Variants in MR1 observed in about 807,000 individuals in gnomAD.
The protein encoded by MR1 is major histocompatibility complex, class I-related.
Under a neutral mutation model 37.8 loss-of-function variants are expected in MR1, and 44 were observed. The observed-to-expected ratio is 1.16, with a 90% CI of 0.91 to 1.50. The LOEUF (loss-of-function observed/expected upper bound fraction) is 1.50. Ranked by LOEUF, MR1 falls within the 40% of genes most tolerant of loss-of-function variation. The probability of loss-of-function intolerance (pLI) is 0.00; values close to 1 mark genes in which losing one functional copy is unlikely to be tolerated. For missense variants in MR1, 386 were observed against 419.1 expected, an observed-to-expected ratio of 0.92 and a Z score of 0.69; for synonymous variants, 153 against 155.8, an observed-to-expected ratio of 0.98 and a Z score of 0.13.
rs1009373512 is a variant in MR1 at position 181,050,489 on chromosome 1, G to T, written c.604+203G>T. On this transcript the variant is annotated intron_variant, in intron 3 of 5. Transcript: ENST00000367580. ...TTGACAAGATTTGACAGTTCCCCTTGTCTTGACAGAGTGGAGTACCTCCAA... is the reference window on the plus strand; with the variant it reads ...TTGACAAGATTTGACAGTTCCCCTTTTCTTGACAGAGTGGAGTACCTCCAA... The T allele has an allele frequency of 9.6e-6, 6 of 628,160 alleles. No homozygotes were observed. The African/African-American group carries it at 1.1e-4, about 12-fold the overall frequency. The allele number at this position is 628,160 out of a possible 1,614,324, so 38.9% of individuals were successfully genotyped here.
Position 181,050,018 on chromosome 1 carries a change from C to A in MR1, c.336C>A (p.His112Gln), listed in dbSNP as rs577996797. Residue 112 changes from histidine (H) to glutamine (Q), a missense_variant, in exon 3 of 6, where the codon CAC becomes CAA. By Grantham distance (24) the His-to-Gln change is conservative (BLOSUM62 0). Transcript: ENST00000367580. Reference protein sequence around the residue: ...LQRHYNHSGSHTYQRMIGCEL... With the variant: ...LQRHYNHSGSQTYQRMIGCEL... ...CTTCTGTGTGTGTTCCAGGGTCTCA[C>A]ACTTACCAGAGAATGATTGGCTGTG... 7.1e-4 allele frequency: 1,145 copies of A among 1,612,356 alleles called. 11 individuals carry two copies. In the South Asian group the frequency reaches 0.012, roughly 17 times the overall value.
Position 181,053,730 on chromosome 1 carries a change from C to T in MR1, c.985+53C>T. On this transcript the variant is annotated intron_variant, in intron 5 of 5. Transcript: ENST00000367580. ...GGGCTGCAGACTCTCCTGCATCTCT[C>T]CAGTTTTATTTTCTGCACCTGCTGC... The T allele has an allele frequency of 6.1e-6, 8 of 1,305,346 alleles. No homozygotes were observed. The South Asian group carries it at 9.6e-5, about 16-fold the overall frequency. The allele number at this position is 1,305,346 out of a possible 1,614,324, so 80.9% of individuals were successfully genotyped here.
chr1:181,049,905 CAT>C, intron 2 of MR1, 104 bp from the exon 3 acceptor site: 1 of 1,331,432 alleles, frequency 7.5e-7, no homozygotes, highest in Non-Finnish European at 1.0e-6. Context: ...TGGGGGGTGA[CAT>C]AATGTAGACC....
chr1:181,060,703 A>C lies in MR1; in HGVS notation c.*5438A>C, dbSNP rs1270109048. On this transcript the variant is annotated 3_prime_UTR_variant, in exon 6 of 6. Transcript: ENST00000367580. ...CCAACCCCTGCACCACAGGACAAGG[A>C]AGTGTTCTTGGTCTTCAACTTTCAT... 4 of 152,316 alleles carry C rather than the reference A, an allele frequency of 2.6e-5. No homozygotes were observed. Among genetic ancestry groups the C allele is most frequent in the African/African-American group, 9.6e-5 (4 of 41,560 alleles). 9.4% of individuals were successfully genotyped at this position (152,316 alleles called of 1,614,324 possible). A position where few individuals can be genotyped will look rare whatever the true frequency, so the allele number is the denominator to read the frequency against.
At chr1:181,035,597 C>T (rs1012826483) in intron 1 of MR1, among the ~76,000 whole-genome samples, 2 of 152,084 alleles carry the variant, frequency 1.3e-5, no homozygotes, top group Non-Finnish European at 2.9e-5. Context: ...ATGTGATTCT[C>T]AAAGAACTCT....
chr1:181,047,945 C>T (rs868419552), intron 1 of MR1, among the ~76,000 whole-genome samples: 16 of 150,302 alleles, frequency 1.1e-4, no homozygotes, highest in African/African-American at 2.0e-4. Context: ...AGGCCAGGCG[C>T]GGTGGCTCAC....
Position 181,055,643 on chromosome 1 carries a change from G to C in MR1, c.*378G>C. 4.4e-6 allele frequency: 1 copy of C among 227,434 alleles called. No individual in the cohort carries two copies. Among genetic ancestry groups the C allele is most frequent in the Non-Finnish European group, 8.5e-6 (1 of 117,088 alleles). 14.1% of individuals were successfully genotyped at this position (227,434 alleles called of 1,614,324 possible). On this transcript the variant is annotated 3_prime_UTR_variant, in exon 6 of 6. Transcript: ENST00000367580. ...CTGTCTTCTGCAATGCCTTGGACTT[G>C]AGCCTCCAGCCTCCACTTGAACACC...
Position 181,035,420 on chromosome 1 carries a change from G to A in MR1, c.67+1346G>A, listed in dbSNP as rs760117842. Among the ~76,000 whole-genome samples the A allele has an allele frequency of 7.2e-4, 109 of 152,110 alleles. 1 individual carries two copies. The highest frequency in any genetic ancestry group is 1.2e-3 in the South Asian group (6 of 4,808). On this transcript the variant is annotated intron_variant, in intron 1 of 5. Coordinates refer to ENST00000367580, the MANE Select transcript of MR1 (RefSeq NM_001385161.1). ...CAGGCACTTTGGGGGATATGGCAGC[G>A]AACAAGACAAACATAGTCTCTGCTT...
At chr1:181,052,095 A>G in intron 3 of MR1, 140 bp from the exon 4 acceptor site, 2 of 943,810 alleles carry the variant, frequency 2.1e-6, no homozygotes, top group East Asian at 2.6e-5. Flanking sequence ...TTTGTTGTTG[A>G]TGAACCTGAG....
chr1:181,051,574 G>A (rs1192747728), intron 3 of MR1, among the ~76,000 whole-genome samples: 1 of 152,128 alleles, frequency 6.6e-6, no homozygotes, highest in Non-Finnish European at 1.5e-5. Context: ...CCCAATTTCA[G>A]CAAGAAACAT....
At chr1:181,034,800 T>C (rs1378534335) in intron 1 of MR1, among the ~76,000 whole-genome samples, 2 of 152,090 alleles carry the variant, frequency 1.3e-5, no homozygotes, top group Non-Finnish European at 2.9e-5. Context: ...AAGGAGTTCT[T>C]TCAAATCACC....
At chr1:181,049,649 G>T in intron 2 of MR1, 1 of 491,044 alleles carries the variant, frequency 2.0e-6, no homozygotes, top group South Asian at 2.6e-5. Context: ...GTCAGGCCTA[G>T]TGACTTGCTT....
At position 181,049,582 on chromosome 1, in the gene MR1, G is replaced by A. The variant is rs1247249711; in HGVS notation, c.328+270G>A. The stretch of plus-strand genomic sequence containing the variant: ...GCATCCCATTTCCACTCAGGCTTCT[G>A]ATATGCATCTCCTTTTCCATTCTAA... On this transcript the variant is annotated intron_variant, in intron 2 of 5. Transcript: ENST00000367580. 5.5e-6 allele frequency: 3 copies of A among 543,914 alleles called. No individual in the cohort carries two copies. The African/African-American group carries it at 5.7e-5, about 10-fold the overall frequency. The allele number at this position is 543,914 out of a possible 1,614,324, so 33.7% of individuals were successfully genotyped here.
chr1:181,053,920 C>A (rs1323631408), intron 5 of MR1, among the ~76,000 whole-genome samples: 1 of 152,148 alleles, frequency 6.6e-6, no homozygotes, highest in Non-Finnish European at 1.5e-5. Context: ...TACATCTGTC[C>A]AGGGGAACTG....
At chr1:181,053,227 C>T (rs1675506158) in intron 4 of MR1, among the ~76,000 whole-genome samples, 1 of 151,768 alleles carries the variant, frequency 6.6e-6, no homozygotes. Context: ...ACAAAAAACA[C>T]AACAATTAGC....
chr1:181,052,475 A>G lies in MR1; in HGVS notation c.845A>G (p.His282Arg), dbSNP rs1361449503. Residue 282 changes from histidine (H) to arginine (R), a missense_variant, in exon 4 of 6, where the codon CAC becomes CGC. His to Arg is a conservative substitution (Grantham distance 29). Coordinates refer to ENST00000367580, the MANE Select transcript of MR1 (RefSeq NM_001385161.1). ...AACCTTTACTCCTGTCATGTGGAGC[A>G]CTGCGGTGTCCACATGGTTCTTCAG... is the stretch of plus-strand genomic sequence containing the variant. ...SSNLYSCHVE[H>R]CGVHMVLQVP... is the part of the protein sequence containing the mutation. 2.5e-6 allele frequency: 4 copies of G among 1,613,998 alleles called. No homozygotes were observed. The highest frequency in any genetic ancestry group is 3.4e-6 in the Non-Finnish European group (4 of 1,179,990).
At position 181,051,028 on chromosome 1, in the gene MR1, C is replaced by G. The variant is rs1658286677; in HGVS notation, c.604+742C>G. The stretch of plus-strand genomic sequence containing the variant: ...TAAGATTCCTTTCAGCAAAGAGCTC[C>G]TCTTATACCTTAAAGATATGATTCA... On this transcript the variant is annotated intron_variant, in intron 3 of 5. Transcript: ENST00000367580. The G allele has an allele frequency of 2.6e-5, 4 of 151,834 alleles. No individual in the cohort carries two copies. The South Asian group carries it at 8.3e-4, about 32-fold the overall frequency. 9.4% of individuals were successfully genotyped at this position (151,834 alleles called of 1,614,324 possible).
At chr1:181,049,501 C>T (rs1368873060) in intron 2 of MR1, 189 bp downstream of exon 2, 49 of 662,682 alleles carry the variant, frequency 7.4e-5, no homozygotes, top group Non-Finnish European at 7.6e-6. Flanking sequence ...CTCTCTCCCC[C>T]AGGAGCACTC....
chr1:181,040,591 A>G (rs1657504355), intron 1 of MR1, among the ~76,000 whole-genome samples: 2 of 152,168 alleles, frequency 1.3e-5, no homozygotes, highest in South Asian at 2.1e-4. Context: ...GGCCCATGGC[A>G]AATGAAGAGG....
Sources: gnomAD v4.1 joint callset for allele counts (sites outside exome capture counted in the v4.1 genomes callset) on GRCh38, gnomAD v4.1.1 for gene constraint, MANE v1.5 for transcripts, NCBI Gene and HGNC (gene_info 2026-07-23, HGNC 2026-07-21) for gene names.